PZP: variants seen among roughly 807,000 people sequenced by gnomAD.
PZP encodes the protein PZP alpha-2-macroglobulin like, also known as pregnancy zone protein.
A neutral mutation model predicts 179.8 loss-of-function variants in PZP; 150 were observed. That is an observed-to-expected ratio of 0.83 (90% CI 0.73 to 0.96). The LOEUF is 0.96. Ranked by LOEUF, PZP falls within the 40% of genes least tolerant of loss-of-function variation. The probability of loss-of-function intolerance (pLI) is 0.00; values close to 1 mark genes in which losing one functional copy is unlikely to be tolerated. For missense variants in PZP, 1,689 were observed against 1,764.0 expected (o/e 0.96, Z 0.76); for synonymous variants, 624 against 652.3 (o/e 0.96, Z 0.66).
rs778006744 is a variant in PZP, at chr12:9,182,788, G to T, written c.1547-671C>A. Among the ~76,000 whole-genome samples the T allele has an allele frequency of 5.3e-5, 8 of 152,326 alleles. No homozygotes were observed. In the South Asian group the frequency reaches 8.3e-4, roughly 16 times the overall value. On this transcript the variant is annotated intron_variant, in intron 13 of 35. Transcript: ENST00000261336. The stretch of plus-strand genomic sequence containing the variant: ...GAATGGTCCACTGGGGACTTGAGTA[G>T]ATGGCCCACATTTAGTTGAATAACG...
chr12:9,164,015 A>C, intron 20 of PZP, 118 bp downstream of exon 20: 1 of 1,392,470 alleles, frequency 7.2e-7, no homozygotes, highest in Non-Finnish European at 9.7e-7. Context: ...AATAGGAAAA[A>C]AAACTAACTT....
At chr12:9,199,625 C>T (rs191805564) in intron 7 of PZP, among the ~76,000 whole-genome samples, 48 of 152,032 alleles carry the variant, frequency 3.2e-4, no homozygotes, top group African/African-American at 8.9e-4. Context: ...CTTCTAGAGG[C>T]CAACTGATGA....
chr12:9,181,534 G>T (rs1481406676), intron 14 of PZP, among the ~76,000 whole-genome samples: 1 of 152,116 alleles, frequency 6.6e-6, no homozygotes, highest in Non-Finnish European at 1.5e-5. Flanking sequence ...CATAAGTGGG[G>T]AATCTTAACA....
intron 15 of PZP, among the ~76,000 whole-genome samples, chr12:9,171,288 A>AAAAC (rs1187307658): frequency 6.6e-5 from 10 of 152,246 alleles, no homozygotes; most frequent in Non-Finnish European, 1.0e-4. Flanking sequence ...TGCTAAAAGA[A>AAAAC]AAACAAACAA....
intron 18 of PZP, among the ~76,000 whole-genome samples, 162 bp from the exon 19 acceptor site, chr12:9,165,529 T>C (rs190885075): frequency 3.3e-5 from 5 of 152,320 alleles, no homozygotes; most frequent in Admixed American, 1.3e-4. Flanking sequence ...GGGATCTGAG[T>C]TGGGAAAATG....
At chr12:9,198,841 A>C (rs1015030020) in intron 7 of PZP, among the ~76,000 whole-genome samples, 2 of 152,234 alleles carry the variant, frequency 1.3e-5, no homozygotes, top group Admixed American at 6.5e-5. Context: ...ATTTGGACAC[A>C]TAACTCCTTG....
intron 22 of PZP, among the ~76,000 whole-genome samples, chr12:9,162,050 CT>C (rs1489417013): frequency 1.3e-5 from 2 of 152,282 alleles, no homozygotes; most frequent in East Asian, 3.9e-4. Context: ...CAACCTCCCC[CT>C]GCCCGGCTCA....
chr12:9,168,828 G>A, intron 17 of PZP, 41 bp downstream of exon 17: 1 of 1,456,580 alleles, frequency 6.9e-7, no homozygotes, highest in South Asian at 1.1e-5. Flanking sequence ...TAGTAATATT[G>A]TTGGACATGA....
chr12:9,147,030 T>C (rs1940045911), downstream of PZP, among the ~76,000 whole-genome samples: 1 of 152,190 alleles, frequency 6.6e-6, no homozygotes, highest in African/African-American at 2.4e-5. Flanking sequence ...CCTCCTTTCT[T>C]CCAAGGTGGG....
chr12:9,174,593 G>C (rs1485590497), intron 15 of PZP, among the ~76,000 whole-genome samples: 2 of 152,168 alleles, frequency 1.3e-5, no homozygotes, highest in African/African-American at 4.8e-5. Context: ...TTCTTAAGCT[G>C]ATAAGCAACT....
intron 6 of PZP, among the ~76,000 whole-genome samples, chr12:9,200,691 T>C (rs150657858): frequency 1.8e-4 from 27 of 152,316 alleles, no homozygotes; most frequent in African/African-American, 6.5e-4. Context: ...AGAAGTTTCA[T>C]ACTTGGCAAA....
At position 9,200,923 on chromosome 12, in the gene PZP, C is replaced by T. The variant is rs371424752; in HGVS notation, c.639G>A (p.Arg213=). Residue 213 remains arginine (R), a synonymous_variant, in exon 6 of 36, where the codon AGG becomes AGA. Transcript: ENST00000261336. ...CCTCCACGGTGAAGGGGTGCTGTATCCTTCCACCTGATTCTGTCTGTACCA... is the reference window on the plus strand; with the variant it reads ...CCTCCACGGTGAAGGGGTGCTGTATTCTTCCACCTGATTCTGTCTGTACCA... ...RVVVQTESGG[R]IQHPFTVEEF... is the part of the protein sequence containing the mutation. 9 of 1,613,870 alleles carry T rather than the reference C, an allele frequency of 5.6e-6. No homozygotes were observed. Among genetic ancestry groups the T allele is most frequent in the Non-Finnish European group, 7.6e-6 (9 of 1,179,842 alleles).
At chr12:9,158,353 C>T in intron 26 of PZP, 67 bp downstream of exon 26, 1 of 1,573,894 alleles carries the variant, frequency 6.4e-7, no homozygotes, top group East Asian at 2.2e-5. Flanking sequence ...TGCCTCCTTC[C>T]TCCCTTCACC....
chr12:9,176,640 A>T (rs1228189184), intron 15 of PZP, among the ~76,000 whole-genome samples: 1 of 152,236 alleles, frequency 6.6e-6, no homozygotes, highest in Admixed American at 6.5e-5. Flanking sequence ...GCAGGGCCAG[A>T]GGCCTGAATA....
intron 1 of PZP, 93 bp from the exon 2 acceptor site, chr12:9,204,044 G>T (rs1592574180): frequency 8.1e-7 from 1 of 1,232,490 alleles, no homozygotes; most frequent in Non-Finnish European, 1.1e-6. Flanking sequence ...GTATTAATTG[G>T]TGCAATCAGT....
chr12:9,176,366 G>T (rs996220047), intron 15 of PZP, among the ~76,000 whole-genome samples: 1 of 152,176 alleles, frequency 6.6e-6, no homozygotes, highest in African/African-American at 2.4e-5. Context: ...ATACCTAGGT[G>T]ATGGGTTGAT....
chr12:9,179,148 A>G (rs768216209), intron 15 of PZP, among the ~76,000 whole-genome samples: 46 of 152,322 alleles, frequency 3.0e-4, no homozygotes, highest in Middle Eastern at 3.4e-3. Context: ...TCCAAACACG[A>G]GTAATCTAGT....
chr12:9,201,424 C>T, intron 4 of PZP, 77 bp from the exon 5 acceptor site: 1 of 1,117,996 alleles, frequency 8.9e-7, no homozygotes, highest in Non-Finnish European at 1.3e-6. Context: ...GATCAAACAA[C>T]AAACTGAGGA....
At chr12:9,147,274 G>C (rs1383313794), downstream of PZP, among the ~76,000 whole-genome samples, 1 of 152,168 alleles carries the variant, frequency 6.6e-6, no homozygotes, top group African/African-American at 2.4e-5. Context: ...GCTAGACTGT[G>C]CTTGTCCTGT....
Sources: allele counts gnomAD v4.1 joint callset (sites outside exome capture counted in the v4.1 genomes callset), GRCh38; gene constraint gnomAD v4.1.1; transcripts MANE v1.5; gene names NCBI Gene and HGNC (gene_info 2026-07-23, HGNC 2026-07-21).